PRKAG1: variants seen among roughly 807,000 people sequenced by gnomAD.
The protein encoded by PRKAG1 is protein kinase AMP-activated non-catalytic subunit gamma 1, also known as 5'-AMP-activated protein kinase subunit gamma-1.
PRKAG1 carries 27 observed loss-of-function variants against 48.2 expected under a neutral mutation model. That is an observed-to-expected ratio of 0.56 (90% CI 0.41 to 0.77). The LOEUF is 0.77. PRKAG1 is among the 30% of genes least tolerant of loss of function. PRKAG1 has a pLI of 0.00. For missense variants in PRKAG1, 287 were observed against 398.3 expected (o/e 0.72, Z 2.38); for synonymous variants, 130 against 147.7 (o/e 0.88, Z 0.87).
intron 8 of PRKAG1, 151 bp downstream of exon 8, chr12:49,004,356 C>G: frequency 1.0e-6 from 1 of 957,634 alleles, no homozygotes; most frequent in East Asian, 2.5e-5. Context: ...GTAATCCTAG[C>G]ACTTTGGGAG....
chr12:49,011,452 A>G (rs1941757721), intron 2 of PRKAG1, among the ~76,000 whole-genome samples: 1 of 151,898 alleles, frequency 6.6e-6, no homozygotes, highest in Non-Finnish European at 1.5e-5. Flanking sequence ...AGCTCAAGTG[A>G]TCCTCCTGCC....
At chr12:49,009,571 T>C (rs1022661719) in intron 2 of PRKAG1, among the ~76,000 whole-genome samples, 1 of 152,192 alleles carries the variant, frequency 6.6e-6, no homozygotes, top group Admixed American at 6.5e-5. Flanking sequence ...AAAAATTGTA[T>C]CCTATACTTG....
intron 8 of PRKAG1, 142 bp downstream of exon 8, chr12:49,004,364 GA>G: frequency 9.5e-7 from 1 of 1,055,448 alleles, no homozygotes; most frequent in South Asian, 1.5e-5. Flanking sequence ...AGCACTTTGG[GA>G]GGCTGAGGCG....
At chr12:49,008,407 C>T (rs1941628778) in intron 2 of PRKAG1, 1 of 152,176 alleles carries the variant, frequency 6.6e-6, no homozygotes, top group South Asian at 2.1e-4. Flanking sequence ...CCAAAGAAAT[C>T]TCCCTGGAGC....
chr12:49,004,741 G>C lies in PRKAG1; in HGVS notation c.411-108C>G, dbSNP rs1030265155. ...AGGGAAAACTGATGGTTAGGGAAGG[G>C]GGGCAGTGTACAGGCCAGACTTAAA... On this transcript the variant is annotated intron_variant, in intron 7 of 11. Transcript: ENST00000548065. 3.3e-5 allele frequency: 51 copies of C among 1,525,594 alleles called. 3 individuals carry two copies. The South Asian group carries it at 5.0e-4, about 15-fold the overall frequency. The allele number at this position is 1,525,594 out of a possible 1,614,324, so 94.5% of individuals were successfully genotyped here. A position where few individuals can be genotyped will look rare whatever the true frequency, so the allele number is the denominator to read the frequency against.
In PRKAG1 at chr12:49,018,773, T is replaced by C. The variant is rs1245254372; in HGVS notation, c.-33A>G. ...GGCGCCCGGCTTGGTTTCCTCGCTT[T>C]AGGAAACTCTCTTGGGGCAGGCCCC... is the stretch of plus-strand genomic sequence containing the variant. On this transcript the variant is annotated 5_prime_UTR_variant, in exon 1 of 12. Transcript: ENST00000548065. 3 of 1,612,098 alleles carry C rather than the reference T, an allele frequency of 1.9e-6. No individual in the cohort carries two copies. Among genetic ancestry groups the C allele is most frequent in the East Asian group, 4.5e-5 (2 of 44,884 alleles).
intron 2 of PRKAG1, among the ~76,000 whole-genome samples, chr12:49,012,061 T>TGAAATCCTGGCCTGAA (rs1941782308): frequency 1.3e-5 from 2 of 152,226 alleles, no homozygotes; most frequent in Non-Finnish European, 2.9e-5. Context: ...TTCACGATGT[T>TGAAATCCTGGCCTGAA]GGCCAGGCTG....
At chr12:49,012,922 G>C in intron 2 of PRKAG1, 140 bp downstream of exon 2, 3 of 783,756 alleles carry the variant, frequency 3.8e-6, no homozygotes, top group South Asian at 1.7e-5. Flanking sequence ...CCAAACTACT[G>C]TCACTGATTT....
At chr12:49,016,486 T>G in intron 1 of PRKAG1, 1 of 152,274 alleles carries the variant, frequency 6.6e-6, no homozygotes, top group East Asian at 1.9e-4. Flanking sequence ...CCATCTTGTT[T>G]TTTTGTTTTG....
In PRKAG1 at chr12:49,005,829, C is replaced by T. The variant is rs201786139; in HGVS notation, c.82G>A (p.Val28Met). ...PQETPESNNS[V>M]YTSFMKSHRC... is the part of the protein sequence containing the mutation. ...TGAGACTTCATGAAGGAAGTATACACGCTATTGTTGGATTCTGGGGTCTCT... is the reference window on the plus strand; with the variant it reads ...TGAGACTTCATGAAGGAAGTATACATGCTATTGTTGGATTCTGGGGTCTCT... Residue 28 changes from valine to methionine, a missense_variant, in exon 3 of 12, where the codon GTG becomes ATG. This residue lies in a region of PRKAG1 where 63 missense variants were observed against 54.0 expected (regional missense o/e 1.17). Coordinates refer to ENST00000548065, the MANE Select transcript of PRKAG1 (RefSeq NM_002733.5). The surrounding 1 kb of genome is among the most constrained non-coding windows in gnomAD (Gnocchi z 4.1). 1.7e-5 allele frequency: 28 copies of T among 1,610,444 alleles called. No individual in the cohort carries two copies. The highest frequency in any genetic ancestry group is 7.7e-5 in the South Asian group (7 of 90,624).
At chr12:49,017,451 A>G in intron 1 of PRKAG1, 1 of 313,940 alleles carries the variant, frequency 3.2e-6, no homozygotes, top group East Asian at 9.5e-5. Flanking sequence ...AGCTCAAGCA[A>G]TCCACTTGCC....
chr12:49,009,290 A>C (rs2137667817), intron 2 of PRKAG1: 1 of 151,890 alleles, frequency 6.6e-6, no homozygotes, highest in Middle Eastern at 3.4e-3. Context: ...ATGCCTGGCT[A>C]ATTTTTATTT....
intron 2 of PRKAG1, among the ~76,000 whole-genome samples, chr12:49,007,606 C>T (rs1941595430): frequency 6.6e-6 from 1 of 152,116 alleles, no homozygotes; most frequent in Non-Finnish European, 1.5e-5. Flanking sequence ...ACTACCCTTC[C>T]CCAGAGATGA....
In PRKAG1 at chr12:49,002,791, C is replaced by T. The variant is rs891536343; in HGVS notation, c.*108G>A. 5 of 1,084,726 alleles carry T rather than the reference C, an allele frequency of 4.6e-6. No individual in the cohort carries two copies. The African/African-American group carries it at 6.2e-5, about 14-fold the overall frequency. The allele number at this position is 1,084,726 out of a possible 1,614,324, so 67.2% of individuals were successfully genotyped here. On this transcript the variant is annotated 3_prime_UTR_variant, in exon 12 of 12. Transcript: ENST00000548065. The stretch of plus-strand genomic sequence containing the variant: ...AGATAGAAGGGCAGGGGACCCTGAA[C>T]AGGGAACAGAGTCACAATTCCCTCA...
intron 2 of PRKAG1, among the ~76,000 whole-genome samples, chr12:49,010,180 T>TC (rs1941700618): frequency 6.6e-6 from 1 of 152,166 alleles, no homozygotes; most frequent in Non-Finnish European, 1.5e-5. Flanking sequence ...TCACTTTTTT[T>TC]CACAGATCCT....
In PRKAG1 at chr12:49,002,489, T is replaced by C. The variant is rs1042868; in HGVS notation, c.*410A>G. ...CCTCCTCCATATAGCACGGAACAGGTGAATAAAAATATCTTTATGAAGAAT... is the reference window on the plus strand; with the variant it reads ...CCTCCTCCATATAGCACGGAACAGGCGAATAAAAATATCTTTATGAAGAAT... On this transcript the variant is annotated 3_prime_UTR_variant, in exon 12 of 12. Transcript: ENST00000548065. 4.5e-5 allele frequency: 15 copies of C among 332,440 alleles called. No homozygotes were observed. The Admixed American group carries it at 6.2e-4, about 14-fold the overall frequency. The allele number at this position is 332,440 out of a possible 1,614,324, so 20.6% of individuals were successfully genotyped here.
intron 2 of PRKAG1, chr12:49,009,441 T>C (rs1003938012): frequency 6.6e-6 from 1 of 151,972 alleles, no homozygotes; most frequent in African/African-American, 2.4e-5. Context: ...GATTTTTAAC[T>C]CTCCTTTCTG....
chr12:49,012,212 A>G (rs1364707244), intron 2 of PRKAG1, among the ~76,000 whole-genome samples: 2 of 152,122 alleles, frequency 1.3e-5, no homozygotes, highest in African/African-American at 4.8e-5. Context: ...CCATGTAGGC[A>G]ATTTGAGTTT....
chr12:49,012,993 ATTG>A, intron 2 of PRKAG1, 66 bp downstream of exon 2: 1 of 1,446,082 alleles, frequency 6.9e-7, no homozygotes. Flanking sequence ...ATTCAAAAGC[ATTG>A]TTGAAGACAT....
Sources: gnomAD v4.1 joint callset for allele counts (sites outside exome capture counted in the v4.1 genomes callset) on GRCh38, gnomAD v4.1.1 for gene constraint, gnomAD v4.1.1 regional missense constraint, Gnocchi (gnomAD v3.1) non-coding constraint, MANE v1.5 for transcripts, NCBI Gene and HGNC (gene_info 2026-07-23, HGNC 2026-07-21) for gene names.